The following NSMCE2 variants were observed in gnomAD, a reference collection of about 807,000 sequenced individuals.
NSMCE2 encodes the protein NSE2 SUMO ligase component of SMC5/6 complex.
Under a neutral mutation model 23.8 loss-of-function variants are expected in NSMCE2, and 24 were observed. The ratio of observed to expected loss-of-function variants is 1.01; its 90% CI spans 0.73 to 1.42. NSMCE2 has a LOEUF of 1.42. NSMCE2 is among the 40% of genes most tolerant of loss of function. The pLI, the probability that NSMCE2 is intolerant of heterozygous loss-of-function variation, is 0.00. For missense variants in NSMCE2, 284 were observed against 296.5 expected (o/e 0.96, Z 0.31); for synonymous variants, 92 against 94.1 (o/e 0.98, Z 0.13).
chr8:125,124,181 A>G (rs1180926162), intron 3 of NSMCE2: 1 of 152,160 alleles, frequency 6.6e-6, no homozygotes, highest in African/African-American at 2.4e-5. Flanking sequence ...TTTTCTTAGC[A>G]TAAGGTTTTC....
At chr8:125,196,022 A>G (rs1823599471) in intron 5 of NSMCE2, among the ~76,000 whole-genome samples, 1 of 150,740 alleles carries the variant, frequency 6.6e-6, no homozygotes, top group African/African-American at 2.4e-5. Context: ...CTGGGATTAC[A>G]GGTGCCTGCC....
At chr8:125,362,947 A>C (rs1369128129) in intron 7 of NSMCE2, 3 of 152,086 alleles carry the variant, frequency 2.0e-5, no homozygotes, top group Non-Finnish European at 4.4e-5. Context: ...AGTCCTCCCC[A>C]CCTCACTCTC....
intron 5 of NSMCE2, among the ~76,000 whole-genome samples, chr8:125,329,666 TAG>T (rs1829801014): frequency 6.6e-6 from 1 of 152,124 alleles, no homozygotes; most frequent in Non-Finnish European, 1.5e-5. Context: ...TCCATCACAG[TAG>T]AGAGAGTGAT....
chr8:125,326,869 T>A (rs890861087), intron 5 of NSMCE2, among the ~76,000 whole-genome samples: 1 of 150,136 alleles, frequency 6.7e-6, no homozygotes, highest in African/African-American at 2.5e-5. Flanking sequence ...GTCAGGAGAA[T>A]CACTTGAACC....
intron 4 of NSMCE2, among the ~76,000 whole-genome samples, chr8:125,157,663 A>G (rs934154879): frequency 2.0e-5 from 3 of 152,204 alleles, no homozygotes; most frequent in African/African-American, 4.8e-5. Flanking sequence ...ATCTAGATAT[A>G]AAATTTCTTA....
chr8:125,240,351 CT>C (rs1366865370), intron 5 of NSMCE2, among the ~76,000 whole-genome samples: 1 of 152,166 alleles, frequency 6.6e-6, no homozygotes, highest in African/African-American at 2.4e-5. Context: ...TCTTGAACTC[CT>C]GACCTCGTGA....
At chr8:125,363,511 A>G (rs189411944) in intron 7 of NSMCE2, among the ~76,000 whole-genome samples, 2 of 142,222 alleles carry the variant, frequency 1.4e-5, no homozygotes, top group Admixed American at 1.4e-4. Flanking sequence ...AAAAAGAAAG[A>G]GGAAAGAGGA....
At chr8:125,332,039 C>G (rs987948624) in intron 5 of NSMCE2, among the ~76,000 whole-genome samples, 5 of 152,182 alleles carry the variant, frequency 3.3e-5, no homozygotes, top group Non-Finnish European at 5.9e-5. Context: ...CTATCACCCT[C>G]CTTCTGCTGA....
intron 5 of NSMCE2, among the ~76,000 whole-genome samples, chr8:125,334,309 AGCGCTCCAGGCT>A: frequency 6.6e-6 from 1 of 152,306 alleles, no homozygotes; most frequent in East Asian, 1.9e-4. Flanking sequence ...TCTGTAGCAC[AGCGCTCCAGGCT>A]GTGCTAAGTG....
chr8:125,160,502 T>C (rs1463470179), intron 4 of NSMCE2, among the ~76,000 whole-genome samples: 2 of 152,190 alleles, frequency 1.3e-5, no homozygotes, highest in East Asian at 3.8e-4. Flanking sequence ...ATAGTCAGTG[T>C]TGTGACCAGA....
chr8:125,337,540 G>A (rs968188482), intron 5 of NSMCE2, among the ~76,000 whole-genome samples: 21 of 152,126 alleles, frequency 1.4e-4, no homozygotes, highest in African/African-American at 4.3e-4. Flanking sequence ...ACCTATTTCT[G>A]TAACATAAGG....
At chr8:125,313,351 G>A (rs1482188707) in intron 5 of NSMCE2, among the ~76,000 whole-genome samples, 2 of 152,164 alleles carry the variant, frequency 1.3e-5, no homozygotes, top group Non-Finnish European at 2.9e-5. Flanking sequence ...AGGCAGCCCT[G>A]ATAAAAGTCA....
intron 3 of NSMCE2, among the ~76,000 whole-genome samples, chr8:125,127,580 C>T (rs1249594701): frequency 6.6e-6 from 1 of 152,118 alleles, no homozygotes; most frequent in Non-Finnish European, 1.5e-5. Flanking sequence ...TGTTAGTTGT[C>T]TCCCTCTCTT....
chr8:125,274,562 C>G (rs1347499791), intron 5 of NSMCE2, among the ~76,000 whole-genome samples: 2 of 151,978 alleles, frequency 1.3e-5, no homozygotes, highest in Admixed American at 1.3e-4. Flanking sequence ...TTTTATTTGC[C>G]TATTTAGGTC....
chr8:125,259,061 C>A (rs1250252237), intron 5 of NSMCE2, among the ~76,000 whole-genome samples: 1 of 152,194 alleles, frequency 6.6e-6, no homozygotes, highest in Non-Finnish European at 1.5e-5. Flanking sequence ...CACTATCACA[C>A]CCGGCTAATT....
At chr8:125,112,085 A>G (rs1447570788) in intron 3 of NSMCE2, among the ~76,000 whole-genome samples, 2 of 152,224 alleles carry the variant, frequency 1.3e-5, no homozygotes, top group African/African-American at 4.8e-5. Context: ...CAATGATAAT[A>G]AAAATAACAA....
At chr8:125,200,357 A>G (rs1191499712) in intron 5 of NSMCE2, among the ~76,000 whole-genome samples, 2 of 152,168 alleles carry the variant, frequency 1.3e-5, no homozygotes, top group Non-Finnish European at 2.9e-5. Context: ...GAGCTCTTGT[A>G]AGGCAGGCCT....
In NSMCE2 at chr8:125,262,925, C is replaced by T. The variant is rs1334005822; in HGVS notation, c.418+80669C>T. The stretch of plus-strand genomic sequence containing the variant: ...GTGGTTTTGACCATTTCAGTGCCTC[C>T]GCGAAAAAAGGTTGAAGATGAGTAT... On this transcript the variant is annotated intron_variant, in intron 5 of 7. Transcript: ENST00000287437. Among the ~76,000 whole-genome samples the T allele has an allele frequency of 6.6e-5, 4 of 60,726 alleles. No homozygotes were observed. The South Asian group carries it at 1.1e-3, about 16-fold the overall frequency. 39.8% of individuals were successfully genotyped at this position (60,726 alleles called of 152,430 possible). A position where few individuals can be genotyped will look rare whatever the true frequency, so the allele number is the denominator to read the frequency against.
In NSMCE2 at chr8:125,286,295, C is replaced by T. The variant is rs916882313; in HGVS notation, c.419-70924C>T. Among the ~76,000 whole-genome samples, 40 of 148,604 alleles carry T rather than the reference C, an allele frequency of 2.7e-4. 1 individual carries two copies. Among genetic ancestry groups the T allele is most frequent in the Non-Finnish European group, 9.0e-5 (6 of 66,992 alleles). The stretch of plus-strand genomic sequence containing the variant: ...CAGATTTGCCCAATATTCAGAGACT[C>T]CAAACAATACCTTTTATTTATTTTT... On this transcript the variant is annotated intron_variant, in intron 5 of 7. Coordinates refer to ENST00000287437, the MANE Select transcript of NSMCE2 (RefSeq NM_173685.4).
Sources: gnomAD v4.1 joint callset for allele counts (sites outside exome capture counted in the v4.1 genomes callset) on GRCh38, gnomAD v4.1.1 for gene constraint, MANE v1.5 for transcripts, NCBI Gene and HGNC (gene_info 2026-07-23, HGNC 2026-07-21) for gene names.